LRRC74B: variants seen among roughly 807,000 people sequenced by gnomAD.
LRRC74B encodes the protein leucine rich repeat containing 74B.
In LRRC74B, 30 loss-of-function variants were observed where a neutral mutation model predicts 16.6. That is an observed-to-expected ratio of 1.80 (90% CI 1.35 to 2.45). The LOEUF is 2.45. LRRC74B is among the 30% of genes most tolerant of loss of function. The pLI is 0.00. For missense variants in LRRC74B, 326 were observed against 202.4 expected (o/e 1.61, Z -3.71); for synonymous variants, 134 against 86.0 (o/e 1.56, Z -3.09).
At chr22:21,046,055 G>A (rs1373238145) in exon 1 of LRRC74B, 2 of 717,382 alleles carry the variant, frequency 2.8e-6, no homozygotes, top group Non-Finnish European at 5.2e-6. Context: ...TGGCCTGTGG[G>A]CGTCTTTCAG....
exon 9 of LRRC74B, chr22:21,060,377 T>A: frequency 1.4e-6 from 1 of 713,376 alleles, no homozygotes; most frequent in Non-Finnish European, 2.6e-6. Flanking sequence ...CCTTAGGATA[T>A]CCAGGTGAAC....
At chr22:21,050,022 C>G (rs1381481473) in intron 4 of LRRC74B, among the ~76,000 whole-genome samples, 6 of 152,098 alleles carry the variant, frequency 3.9e-5, no homozygotes, top group Non-Finnish European at 4.4e-5. Context: ...AATGGTTGCC[C>G]CAGGAGAATC....
chr22:21,046,148 C>T (rs1325488986), intron 1 of LRRC74B, 23 bp downstream of exon 1: 1 of 715,444 alleles, frequency 1.4e-6, no homozygotes, highest in East Asian at 2.7e-5. Context: ...GGGGGCAGGC[C>T]CGACTCCTCC....
At chr22:21,046,427 TAA>T (rs775594235) in intron 1 of LRRC74B, among the ~76,000 whole-genome samples, 4 of 152,158 alleles carry the variant, frequency 2.6e-5, no homozygotes, top group Non-Finnish European at 4.4e-5. Context: ...TTTTCTCCCG[TAA>T]AATGTTTACA....
chr22:21,055,161 G>A (rs955965248), exon 7 of LRRC74B: 5 of 716,414 alleles, frequency 7.0e-6, no homozygotes, highest in African/African-American at 1.7e-5. Flanking sequence ...TCAACCAGAC[G>A]CTGAGGATTC....
intron 1 of LRRC74B, 127 bp downstream of exon 1, chr22:21,046,252 C>G: frequency 1.6e-6 from 1 of 612,200 alleles, no homozygotes; most frequent in Middle Eastern, 4.3e-4. Flanking sequence ...CTCCAGCCCC[C>G]TGCCTTCCCT....
At chr22:21,056,798 G>A (rs1001560199) in intron 7 of LRRC74B, 3 of 319,078 alleles carry the variant, frequency 9.4e-6, no homozygotes, top group African/African-American at 6.5e-5. Flanking sequence ...CTCACTCACT[G>A]CGCTGATCAC....
rs1195779930 is a variant in LRRC74B at position 21,052,309 on chromosome 22, G to A, written c.683G>A (p.Trp228Ter). ...GGACTCACCGAGCTTAACGTGAGCT[G>A]GAATCACCTCCGGGGCCCAGGAGCT... The change falls in exon 5 of 9, where the codon TGG (tryptophan) becomes TAG (stop). Residue 228 changes from tryptophan (W) to a stop codon, truncating the protein, a stop_gained. Transcript: ENST00000442047. LOFTEE classifies it high-confidence loss of function. 4 of 717,580 alleles carry A rather than the reference G, an allele frequency of 5.6e-6. No homozygotes were observed. The highest frequency in any genetic ancestry group is 1.0e-5 in the Non-Finnish European group (4 of 385,130). The allele number at this position is 717,580 out of a possible 1,614,324, so 44.5% of individuals were successfully genotyped here. A position where few individuals can be genotyped will look rare whatever the true frequency, so the allele number is the denominator to read the frequency against.
rs76913865 is a variant in LRRC74B, at chr22:21,046,028, G to T, written c.42G>T (p.Gln14His). ...AGAGGTCTGGGGAGGATGAAGAGCA[G>T]AAAGAAGAGGCTATGGTGGCCTGTG... Residue 14 changes from glutamine to histidine, a missense_variant, in exon 1 of 9, where the codon CAG (glutamine) becomes CAT (histidine). Transcript: ENST00000442047. 3.5e-3 allele frequency: 2,501 copies of T among 717,512 alleles called. 47 individuals carry two copies. In the African/African-American group the frequency reaches 0.037, roughly 11 times the overall value. 44.4% of individuals were successfully genotyped at this position (717,512 alleles called of 1,614,324 possible).
At chr22:21,053,586 C>T in intron 6 of LRRC74B, 111 bp downstream of exon 6, 1 of 624,104 alleles carries the variant, frequency 1.6e-6, no homozygotes. Flanking sequence ...GAGCCACAAT[C>T]CCAGAGCAGC....
chr22:21,058,518 A>G lies in LRRC74B; in HGVS notation c.1023+1318A>G, dbSNP rs573223138. On this transcript the variant is annotated intron_variant, in intron 8 of 8. Coordinates refer to ENST00000442047, the Ensembl canonical transcript of LRRC74B. ...AACAGGGCCAGATTCTGTCTCAAAA[A>G]AAAAGGGAAGGAAACAAAAAAAATT... 2.0e-5 allele frequency among the ~76,000 whole-genome samples: 3 copies of G among 152,314 alleles called. No homozygotes were observed. The East Asian group carries it at 5.8e-4, about 29-fold the overall frequency.
chr22:21,063,264 G>A (rs1489775887), downstream of LRRC74B: 1 of 152,192 alleles, frequency 6.6e-6, no homozygotes, highest in Non-Finnish European at 1.5e-5. Flanking sequence ...ACTTTCCTGA[G>A]CAGGGATATG....
At chr22:21,046,428 A>G (rs879916327) in intron 1 of LRRC74B, among the ~76,000 whole-genome samples, 3 of 150,394 alleles carry the variant, frequency 2.0e-5, no homozygotes, top group Non-Finnish European at 4.5e-5. Context: ...TTTCTCCCGT[A>G]AAATGTTTAC....
At chr22:21,049,830 G>C (rs1004131659) in intron 4 of LRRC74B, among the ~76,000 whole-genome samples, 3 of 152,062 alleles carry the variant, frequency 2.0e-5, no homozygotes, top group Non-Finnish European at 4.4e-5. Context: ...TCTCATCACT[G>C]TCATGCCCCT....
At chr22:21,048,593 T>C (rs1929688924) in intron 3 of LRRC74B, 2 of 326,476 alleles carry the variant, frequency 6.1e-6, no homozygotes, top group Admixed American at 8.8e-5. Flanking sequence ...GCATGGCCAC[T>C]TGGGCTATTA....
chr22:21,055,492 G>C (rs1047984633), intron 7 of LRRC74B, among the ~76,000 whole-genome samples: 8 of 152,154 alleles, frequency 5.3e-5, no homozygotes, highest in African/African-American at 1.7e-4. Context: ...CTGAGACCCA[G>C]GCCCCACCCA....
Position 21,053,495 on chromosome 22 carries a change from C to A in LRRC74B, c.848+20C>A. ...CATGAGGTGAGGATCCCCGGGGGGA[C>A]ACCCCAGGAATCATGGGCTCCATGA... is the stretch of plus-strand genomic sequence containing the variant. On this transcript the variant is annotated intron_variant, in intron 6 of 8. Transcript: ENST00000442047. 1 of 714,950 alleles carries A rather than the reference C, an allele frequency of 1.4e-6. No individual in the cohort carries two copies. Among genetic ancestry groups the A allele is most frequent in the Non-Finnish European group, 2.6e-6 (1 of 384,388 alleles). The allele number at this position is 714,950 out of a possible 1,614,324, so 44.3% of individuals were successfully genotyped here.
chr22:21,063,794 G>GTAAA (rs1930919659), downstream of LRRC74B: 1 of 152,228 alleles, frequency 6.6e-6, no homozygotes, highest in African/African-American at 2.4e-5. Context: ...GGCCAACATG[G>GTAAA]TAAAACCCTA....
At chr22:21,051,940 C>A (rs530517662) in intron 4 of LRRC74B, among the ~76,000 whole-genome samples, 7 of 152,328 alleles carry the variant, frequency 4.6e-5, no homozygotes, top group Admixed American at 4.6e-4. Flanking sequence ...CATGCACACA[C>A]CCCTGGGGAA....
Sources: gnomAD v4.1 joint callset for allele counts (sites outside exome capture counted in the v4.1 genomes callset) on GRCh38, gnomAD v4.1.1 for gene constraint, MANE v1.5 for transcripts, NCBI Gene and HGNC (gene_info 2026-07-23, HGNC 2026-07-21) for gene names.